The following PCDH9 variants were observed in gnomAD, a reference collection of about 807,000 sequenced individuals.
PCDH9 encodes the protein protocadherin-9.
Under a neutral mutation model 70.6 loss-of-function variants are expected in PCDH9, and 24 were observed. The observed-to-expected ratio is 0.34, with a 90% CI of 0.25 to 0.48. The LOEUF (loss-of-function observed/expected upper bound fraction) is 0.48, where lower values mean the gene tolerates loss of function less well. Among genes scored for constraint, PCDH9 ranks in the 20% least tolerant of loss-of-function variants. The pLI is 0.99. For missense variants in PCDH9, 1,281 were observed against 1,503.6 expected (o/e 0.85, Z 2.45); for synonymous variants, 562 against 558.5 (o/e 1.01, Z -0.09).
At chr13:66,593,381 A>G (rs1013149206) in intron 4 of PCDH9, among the ~76,000 whole-genome samples, 3 of 151,756 alleles carry the variant, frequency 2.0e-5, no homozygotes, top group African/African-American at 7.2e-5. Flanking sequence ...TAAATTCAGG[A>G]AAAGCAGATA....
chr13:66,353,557 T>G (rs1956328437), intron 4 of PCDH9, among the ~76,000 whole-genome samples: 1 of 152,156 alleles, frequency 6.6e-6, no homozygotes, highest in Admixed American at 6.6e-5. Context: ...AAGAGGCAAA[T>G]TTTTAGATAC....
intron 2 of PCDH9, among the ~76,000 whole-genome samples, chr13:66,906,479 T>C (rs893181153): frequency 6.6e-6 from 1 of 152,156 alleles, no homozygotes; most frequent in Non-Finnish European, 1.5e-5. Flanking sequence ...GGTCATTCTT[T>C]TTCTTCCAAC....
intron 2 of PCDH9, among the ~76,000 whole-genome samples, chr13:67,021,703 G>A (rs1199609278): frequency 6.6e-6 from 1 of 151,882 alleles, no homozygotes; most frequent in Non-Finnish European, 1.5e-5. Context: ...GGAATTACAG[G>A]TGCACACAAC....
intron 2 of PCDH9, among the ~76,000 whole-genome samples, chr13:67,114,498 T>C (rs1416985377): frequency 2.6e-5 from 4 of 152,198 alleles, no homozygotes; most frequent in Non-Finnish European, 5.9e-5. Context: ...CTCTTACAGT[T>C]TTTTTTACAG....
intron 2 of PCDH9, among the ~76,000 whole-genome samples, chr13:66,926,524 A>T (rs923422515): frequency 1.3e-5 from 2 of 152,122 alleles, no homozygotes; most frequent in Non-Finnish European, 2.9e-5. Flanking sequence ...CGTACCAAGG[A>T]CGATCTCTAC....
chr13:66,750,986 A>AATTTCTAAG (rs2079448501), intron 3 of PCDH9, among the ~76,000 whole-genome samples: 1 of 152,150 alleles, frequency 6.6e-6, no homozygotes, highest in African/African-American at 2.4e-5. Flanking sequence ...AAATATCAGA[A>AATTTCTAAG]ACGGGCCATT....
intron 2 of PCDH9, among the ~76,000 whole-genome samples, chr13:66,943,183 T>A (rs1428175065): frequency 6.6e-6 from 1 of 151,994 alleles, no homozygotes; most frequent in Admixed American, 6.6e-5. Flanking sequence ...CAATATTACG[T>A]CTTATATTAC....
intron 2 of PCDH9, among the ~76,000 whole-genome samples, chr13:67,134,570 TC>T (rs2087184932): frequency 6.6e-6 from 1 of 152,106 alleles, no homozygotes; most frequent in South Asian, 2.1e-4. Context: ...TACGCATTCT[TC>T]TTCATTTAAA....
At chr13:66,835,051 G>C (rs1286174997) in intron 3 of PCDH9, among the ~76,000 whole-genome samples, 1 of 152,212 alleles carries the variant, frequency 6.6e-6, no homozygotes, top group Non-Finnish European at 1.5e-5. Context: ...GCTTTACTGG[G>C]CTTGGTTCTG....
In PCDH9 at chr13:66,303,127, T is replaced by A. The variant is rs1955398109; in HGVS notation, c.*1528A>T. On this transcript the variant is annotated 3_prime_UTR_variant, in exon 5 of 5. Coordinates refer to ENST00000377865, the MANE Select transcript of PCDH9 (RefSeq NM_203487.3). ...TAAATTTTTTGTTTTTTTTTTGTTTTTTTTACTTTTAAATTGATGGTGAAC... is the reference window on the plus strand; with the variant it reads ...TAAATTTTTTGTTTTTTTTTTGTTTATTTTACTTTTAAATTGATGGTGAAC... 6.6e-6 allele frequency: 1 copy of A among 152,428 alleles called. No individual in the cohort carries two copies. Among genetic ancestry groups the A allele is most frequent in the Non-Finnish European group, 1.5e-5 (1 of 67,968 alleles). The allele number at this position is 152,428 out of a possible 1,614,324, so 9.4% of individuals were successfully genotyped here.
intron 3 of PCDH9, among the ~76,000 whole-genome samples, chr13:66,890,856 CT>C (rs1489566683): frequency 6.6e-6 from 1 of 152,054 alleles, no homozygotes; most frequent in African/African-American, 2.4e-5. Flanking sequence ...CTGTTTAACT[CT>C]GTCAGTGTAA....
chr13:66,532,141 C>T (rs1960486506), intron 4 of PCDH9, among the ~76,000 whole-genome samples: 1 of 151,504 alleles, frequency 6.6e-6, no homozygotes, highest in Admixed American at 6.6e-5. Flanking sequence ...CAGGCATGTA[C>T]CACCATGTCC....
At chr13:66,640,319 A>G (rs1448858627) in intron 3 of PCDH9, among the ~76,000 whole-genome samples, 1 of 152,172 alleles carries the variant, frequency 6.6e-6, no homozygotes, top group Non-Finnish European at 1.5e-5. Flanking sequence ...AGTTCCCTGT[A>G]GCAGATTTTA....
At chr13:66,434,241 T>C (rs1957826868) in intron 4 of PCDH9, among the ~76,000 whole-genome samples, 1 of 151,984 alleles carries the variant, frequency 6.6e-6, no homozygotes. Context: ...ATCTTTTCAA[T>C]ACTCTTTAAC....
intron 2 of PCDH9, among the ~76,000 whole-genome samples, chr13:67,061,230 T>C (rs1252157146): frequency 6.6e-6 from 1 of 152,058 alleles, no homozygotes; most frequent in African/African-American, 2.4e-5. Context: ...TTTAAGCAGT[T>C]GAGAGATACT....
At chr13:67,099,608 C>T (rs1355728733) in intron 2 of PCDH9, among the ~76,000 whole-genome samples, 1 of 152,070 alleles carries the variant, frequency 6.6e-6, no homozygotes, top group Non-Finnish European at 1.5e-5. Context: ...CTAGACCGCA[C>T]AGTGGGGAAA....
At chr13:67,203,073 G>A (rs2089256487) in intron 2 of PCDH9, 1 of 152,038 alleles carries the variant, frequency 6.6e-6, no homozygotes, top group Non-Finnish European at 1.5e-5. Context: ...TAACTGTAAA[G>A]TATGTACACA....
intron 4 of PCDH9, among the ~76,000 whole-genome samples, chr13:66,448,750 A>T (rs1019978621): frequency 6.6e-6 from 1 of 152,232 alleles, no homozygotes; most frequent in African/African-American, 2.4e-5. Flanking sequence ...TTGCTTGTAA[A>T]AGAAATAACT....
intron 4 of PCDH9, among the ~76,000 whole-genome samples, chr13:66,557,683 A>G (rs1012370183): frequency 5.3e-5 from 8 of 152,222 alleles, no homozygotes; most frequent in Non-Finnish European, 1.0e-4. Context: ...ATAAACTATT[A>G]TAAGTATTTA....
Sources: allele counts gnomAD v4.1 joint callset (sites outside exome capture counted in the v4.1 genomes callset), GRCh38; gene constraint gnomAD v4.1.1; transcripts MANE v1.5; gene names NCBI Gene and HGNC (gene_info 2026-07-23, HGNC 2026-07-21).